ALDH1L1: variants seen among roughly 807,000 people sequenced by gnomAD.
The protein encoded by ALDH1L1 is cytosolic 10-formyltetrahydrofolate dehydrogenase.
ALDH1L1 carries 68 observed loss-of-function variants against 101.1 expected under a neutral mutation model. That is an observed-to-expected ratio of 0.67 (90% CI 0.55 to 0.82). ALDH1L1 has a LOEUF of 0.82. Ranked by LOEUF, ALDH1L1 falls within the 40% of genes least tolerant of loss-of-function variation. The pLI is 0.00. For missense variants in ALDH1L1, 1,087 were observed against 1,172.7 expected (o/e 0.93, Z 1.07); for synonymous variants, 486 against 470.8 (o/e 1.03, Z -0.42).
At position 126,171,247 on chromosome 3, in the gene ALDH1L1, G is replaced by A. The variant is rs1455727903; in HGVS notation, c.-24+9229C>T. Among the ~76,000 whole-genome samples the A allele has an allele frequency of 1.4e-4, 21 of 152,178 alleles. 1 individual carries two copies. The highest frequency in any genetic ancestry group is 1.4e-3 in the Admixed American group (21 of 15,286). On this transcript the variant is annotated intron_variant, in intron 1 of 22. Coordinates refer to ENST00000393434, the MANE Select transcript of ALDH1L1 (RefSeq NM_012190.4). ...TGGGAAGCAGAGGTTGCAGTGAGCC[G>A]AGATGGCGCCACTGCACTCCGGCCT...
intron 1 of ALDH1L1, among the ~76,000 whole-genome samples, chr3:126,167,142 A>G (rs1369384853): frequency 1.3e-5 from 2 of 152,204 alleles, no homozygotes; most frequent in Non-Finnish European, 2.9e-5. Flanking sequence ...TAGAAGTATT[A>G]TTACGTTGCC....
intron 6 of ALDH1L1, among the ~76,000 whole-genome samples, chr3:126,154,291 C>A (rs1235959293): frequency 6.6e-6 from 1 of 152,160 alleles, no homozygotes; most frequent in Non-Finnish European, 1.5e-5. Context: ...AAATATTTCA[C>A]CACCAATACA....
chr3:126,105,894 C>T lies in ALDH1L1; in HGVS notation c.2485G>A (p.Ala829Thr). The change falls in exon 22 of 23, where the codon GCC (alanine) becomes ACC (threonine). Residue 829 changes from alanine to threonine, a missense_variant. This residue lies in a region of ALDH1L1 where 442 missense variants were observed against 535.7 expected (regional missense o/e 0.83). Transcript: ENST00000393434. ...CCAGAAGCCAGGCCAAATTCCGTGGCATTGGCCCGAGACAGCACGGCATCC... is the reference window on the plus strand; with the variant it reads ...CCAGAAGCCAGGCCAAATTCCGTGGTATTGGCCCGAGACAGCACGGCATCC... The part of the protein sequence containing the change: ...DLDAVLSRAN[A>T]TEFGLASGVF... 2 of 1,614,106 alleles carry T rather than the reference C, an allele frequency of 1.2e-6. No homozygotes were observed. Among genetic ancestry groups the T allele is most frequent in the Non-Finnish European group, 1.7e-6 (2 of 1,179,948 alleles).
At chr3:126,173,838 GA>G (rs2081325043) in intron 1 of ALDH1L1, among the ~76,000 whole-genome samples, 1 of 152,156 alleles carries the variant, frequency 6.6e-6, no homozygotes. Context: ...TCAGAGAAAG[GA>G]AAATTATTAG....
chr3:126,118,371 G>A (rs568614150), intron 16 of ALDH1L1, among the ~76,000 whole-genome samples: 1 of 152,240 alleles, frequency 6.6e-6, no homozygotes, highest in Non-Finnish European at 1.5e-5. Context: ...GGTGATTAAG[G>A]CAAAATGAGG....
Position 126,153,561 on chromosome 3 carries a change from T to A in ALDH1L1, c.741A>T (p.Ser247=), listed in dbSNP as rs1455384557. 2.5e-6 allele frequency: 4 copies of A among 1,612,358 alleles called. No homozygotes were observed. The highest frequency in any genetic ancestry group is 3.4e-6 in the Non-Finnish European group (4 of 1,179,178). The change falls in exon 7 of 23, where the codon TCA becomes TCT. Residue 247 remains serine, a synonymous_variant. Coordinates refer to ENST00000393434, the MANE Select transcript of ALDH1L1 (RefSeq NM_012190.4). ...GCACCAGGCCTGAAGTGTTCAGCGT[T>A]GAGTTGAAAAATGTCAGTTTCTGTC... ...ACEQKLTFFN[S]TLNTSGLVPE...
At chr3:126,175,060 G>T (rs1398976968) in intron 1 of ALDH1L1, among the ~76,000 whole-genome samples, 1 of 151,622 alleles carries the variant, frequency 6.6e-6, no homozygotes. Context: ...TGAAAGAAGG[G>T]CCATCAATAC....
chr3:126,117,626 T>G (rs2079996475), intron 17 of ALDH1L1, among the ~76,000 whole-genome samples: 1 of 150,976 alleles, frequency 6.6e-6, no homozygotes, highest in African/African-American at 2.4e-5. Context: ...CACTCCACCA[T>G]GAGTGACAGA....
rs531910689 is a variant in ALDH1L1, at chr3:126,189,013, C to T, written c.-24+8722G>A. Among the ~76,000 whole-genome samples the T allele has an allele frequency of 2.1e-4, 32 of 152,222 alleles. 1 individual carries two copies. The highest frequency in any genetic ancestry group is 1.9e-4 in the African/African-American group (8 of 41,534). On this transcript the variant is annotated intron_variant, in intron 1 of 2. Coordinates refer to the ALDH1L1 transcript ENST00000509952. ...CATATGCAACAAAAAGCATCAGCAC[C>T]GACTCCTCCTTGCTCAGCTGATAAG... is the stretch of plus-strand genomic sequence containing the variant.
chr3:126,130,850 G>C (rs1331336667), intron 13 of ALDH1L1, among the ~76,000 whole-genome samples: 1 of 152,244 alleles, frequency 6.6e-6, no homozygotes, highest in East Asian at 1.9e-4. Context: ...GGAGCCTGAA[G>C]ATATGGTGAC....
At chr3:126,121,841 T>A (rs1405701212) in intron 16 of ALDH1L1, among the ~76,000 whole-genome samples, 4 of 152,212 alleles carry the variant, frequency 2.6e-5, no homozygotes. Context: ...GAAGCTGGCA[T>A]CCACCAGGAG....
upstream of ALDH1L1, among the ~76,000 whole-genome samples, chr3:126,182,171 G>C (rs1249176902): frequency 1.3e-5 from 2 of 151,826 alleles, no homozygotes; most frequent in Admixed American, 6.6e-5. Context: ...TTTTGAGGTA[G>C]AGTCTCACTC....
Position 126,158,689 on chromosome 3 carries a change from C to T in ALDH1L1, c.128-50G>A, listed in dbSNP as rs199636492. 114 of 1,554,076 alleles carry T rather than the reference C, an allele frequency of 7.3e-5. 1 individual carries two copies. The highest frequency in any genetic ancestry group is 5.2e-4 in the South Asian group (46 of 88,284). On this transcript the variant is annotated intron_variant, in intron 2 of 22. Coordinates refer to ENST00000393434, the MANE Select transcript of ALDH1L1 (RefSeq NM_012190.4). ...GGCCCCTCTCCATAACCCACCCACA[C>T]GCAGCCACCTCTGCCTTCCCAGCAG...
At chr3:126,143,213 T>C (rs1044019643) in intron 9 of ALDH1L1, among the ~76,000 whole-genome samples, 5 of 152,228 alleles carry the variant, frequency 3.3e-5, no homozygotes, top group African/African-American at 9.6e-5. Context: ...TGAATTCGTA[T>C]CATGTTCACA....
intron 1 of ALDH1L1, among the ~76,000 whole-genome samples, chr3:126,164,132 A>G (rs2081115963): frequency 6.7e-6 from 1 of 150,014 alleles, no homozygotes; most frequent in African/African-American, 2.5e-5. Flanking sequence ...CTATGTCTCA[A>G]AAAAAAAAGG....
chr3:126,190,675 T>C (rs1014335021), intron 1 of ALDH1L1, among the ~76,000 whole-genome samples: 4 of 152,228 alleles, frequency 2.6e-5, no homozygotes, highest in Non-Finnish European at 4.4e-5. Context: ...ATTCCCTTGA[T>C]ACTCAGGTGC....
intron 16 of ALDH1L1, among the ~76,000 whole-genome samples, chr3:126,121,408 CA>C (rs1214157924): frequency 6.6e-6 from 1 of 151,978 alleles, no homozygotes; most frequent in Non-Finnish European, 1.5e-5. Flanking sequence ...AAATTTTAGA[CA>C]AAAAAACAAC....
At position 126,158,636 on chromosome 3, in the gene ALDH1L1, A is replaced by C; in HGVS notation, c.131T>G (p.Leu44Arg). ...DKDGKADPLG[L>R]EAEKDGVPVF... ...CGGCACTCCATCCTTCTCAGCTTCCAGACCTGTGGGACGGTGGATAAGAAA... is the reference window on the plus strand; with the variant it reads ...CGGCACTCCATCCTTCTCAGCTTCCCGACCTGTGGGACGGTGGATAAGAAA... Residue 44 changes from leucine (L) to arginine (R), a missense_variant, in exon 3 of 23, where the codon CTG becomes CGG. By Grantham distance (102) the Leu-to-Arg change is moderately radical. This residue lies in a region of ALDH1L1 where 645 missense variants were observed against 637.0 expected (regional missense o/e 1.01). Transcript: ENST00000393434. 6.2e-7 allele frequency: 1 copy of C among 1,611,212 alleles called. No individual in the cohort carries two copies. The highest frequency in any genetic ancestry group is 8.5e-7 in the Non-Finnish European group (1 of 1,177,564).
chr3:126,183,294 G>C (rs1330663810), upstream of ALDH1L1, among the ~76,000 whole-genome samples: 1 of 152,198 alleles, frequency 6.6e-6, no homozygotes, highest in East Asian at 1.9e-4. Flanking sequence ...ACCTCAGTGA[G>C]ATCTACAGGA....
Sources: gnomAD v4.1 joint callset for allele counts (sites outside exome capture counted in the v4.1 genomes callset) on GRCh38, gnomAD v4.1.1 for gene constraint, gnomAD v4.1.1 regional missense constraint, MANE v1.5 for transcripts, NCBI Gene and HGNC (gene_info 2026-07-23, HGNC 2026-07-21) for gene names.